TSPEAR: variants seen among roughly 807,000 people sequenced by gnomAD.
TSPEAR encodes thrombospondin type laminin G domain and EAR repeats.
A neutral mutation model predicts 71.6 loss-of-function variants in TSPEAR; 69 were observed. The ratio of observed to expected loss-of-function variants is 0.96; its 90% CI spans 0.79 to 1.18. TSPEAR has a LOEUF of 1.18. Among genes scored for constraint, TSPEAR ranks in the 50% most tolerant of loss-of-function variants. TSPEAR has a pLI of 0.00. For synonymous variants in TSPEAR, 402 were observed against 387.2 expected, an observed-to-expected ratio of 1.04 and a Z score of -0.45; for missense variants, 971 against 894.9, an observed-to-expected ratio of 1.09 and a Z score of -1.09.
intron 1 of TSPEAR, chr21:44,676,964 C>T: frequency 1.1e-6 from 1 of 927,104 alleles, no homozygotes; most frequent in Non-Finnish European, 1.8e-6. Context: ...AGCTTGTCAG[C>T]TGGGTCCGAA....
At chr21:44,592,835 G>A (rs971163347) in intron 1 of TSPEAR, among the ~76,000 whole-genome samples, 2 of 152,124 alleles carry the variant, frequency 1.3e-5, no homozygotes, top group East Asian at 1.9e-4. Flanking sequence ...GCAGGAAGCC[G>A]GCCTCAGGAA....
chr21:44,589,054 T>C (rs390496), intron 1 of TSPEAR, among the ~76,000 whole-genome samples: 140,695 of 152,038 alleles, frequency 0.93, 65,320 homozygotes, highest in Non-Finnish European at 0.96. Context: ...GTGCAGTGTA[T>C]ACTGCTCGAA....
chr21:44,677,409 A>G, intron 1 of TSPEAR: 7 of 1,088,192 alleles, frequency 6.4e-6, no homozygotes, highest in Non-Finnish European at 9.9e-6. Flanking sequence ...CTGAGCTGCA[A>G]TCGCCTGCAG....
chr21:44,554,731 G>A (rs782659512), intron 2 of TSPEAR, among the ~76,000 whole-genome samples: 1 of 152,152 alleles, frequency 6.6e-6, no homozygotes, highest in Non-Finnish European at 1.5e-5. Flanking sequence ...GGATGTACCG[G>A]GTTAAATAAG....
Position 44,593,619 on chromosome 21 carries a change from G to A in TSPEAR, c.83-25614C>T, listed in dbSNP as rs953269896. ...TTACACCCCCTCCCTTTAGGGTTTCGACACAACCACTACCCAGCACTAAAG... is the reference window on the plus strand; with the variant it reads ...TTACACCCCCTCCCTTTAGGGTTTCAACACAACCACTACCCAGCACTAAAG... On this transcript the variant is annotated intron_variant, in intron 1 of 11. Transcript: ENST00000323084. This position sits in a 1 kb window ranked among gnomAD's most constrained non-coding sequence, Gnocchi z 5.9. 4.6e-5 allele frequency among the ~76,000 whole-genome samples: 7 copies of A among 152,038 alleles called. No homozygotes were observed. The highest frequency in any genetic ancestry group is 1.4e-4 in the African/African-American group (6 of 41,390).
rs782022725 is a variant in TSPEAR, at chr21:44,509,332, C to T, written c.1621G>A (p.Ala541Thr). Residue 541 changes from alanine (A) to threonine (T), a missense_variant, in exon 10 of 12, where the codon GCT becomes ACT. Coordinates refer to ENST00000323084, the MANE Select transcript of TSPEAR (RefSeq NM_144991.3). ...TCGTAGCTGTGACTGTTTGCCACAG[C>T]GAGGAAGATCCTCTCCCCGATCTGG... ...VFQIGERIFL[A>T]VANSHSYDVE... 53 of 1,613,828 alleles carry T rather than the reference C, an allele frequency of 3.3e-5. No homozygotes were observed. The highest frequency in any genetic ancestry group is 4.1e-5 in the Non-Finnish European group (48 of 1,179,984).
intron 9 of TSPEAR, among the ~76,000 whole-genome samples, chr21:44,518,089 T>G (rs1422377328): frequency 6.6e-6 from 1 of 152,252 alleles, no homozygotes; most frequent in Non-Finnish European, 1.5e-5. Flanking sequence ...ATGCCAGCAA[T>G]TGCATTTTTA....
At chr21:44,706,120 G>A (rs909690700) in intron 1 of TSPEAR, among the ~76,000 whole-genome samples, 3 of 152,202 alleles carry the variant, frequency 2.0e-5, no homozygotes, top group Non-Finnish European at 4.4e-5. Flanking sequence ...GGCCTAGTGC[G>A]AGCACAGGTC....
chr21:44,527,205 T>C (rs1466428671), intron 7 of TSPEAR, 87 bp downstream of exon 7: 2 of 1,304,470 alleles, frequency 1.5e-6, no homozygotes, highest in East Asian at 4.6e-5. Flanking sequence ...CTCCTTTACC[T>C]GCAGAATCAG....
chr21:44,600,894 G>A (rs587717338), intron 1 of TSPEAR: 2 of 1,612,024 alleles, frequency 1.2e-6, no homozygotes, highest in Non-Finnish European at 1.7e-6. Context: ...CGTGCTGCCA[G>A]CAGTCTAGCT....
At chr21:44,574,684 C>A (rs587622981) in intron 1 of TSPEAR, 3 of 1,606,662 alleles carry the variant, frequency 1.9e-6, no homozygotes, top group Non-Finnish European at 2.6e-6. Flanking sequence ...GCTTGCTGCA[C>A]CTCCTCCCAA....
At chr21:44,569,356 T>TA (rs2146075059) in intron 1 of TSPEAR, among the ~76,000 whole-genome samples, 1 of 152,254 alleles carries the variant, frequency 6.6e-6, no homozygotes, top group African/African-American at 2.4e-5. Flanking sequence ...AACGGGCACT[T>TA]ACAAAAACCG....
intron 1 of TSPEAR, among the ~76,000 whole-genome samples, chr21:44,606,496 T>C (rs1981324324): frequency 6.6e-6 from 1 of 152,326 alleles, no homozygotes; most frequent in African/African-American, 2.4e-5. Context: ...AGAACTTGCC[T>C]ATGATCCACA....
At chr21:44,512,945 C>G (rs1487975510) in intron 9 of TSPEAR, among the ~76,000 whole-genome samples, 4 of 152,194 alleles carry the variant, frequency 2.6e-5, no homozygotes, top group African/African-American at 9.7e-5. Flanking sequence ...TCAAGTCACC[C>G]TTCTGTTCCC....
Position 44,584,055 on chromosome 21 carries a change from G to A in TSPEAR, c.83-16050C>T, listed in dbSNP as rs1055302983. ...TTCTTGCACACCTGTATTAATAATCGCTGAAAGGATATTTAAAGAGTTATA... is the reference window on the plus strand; with the variant it reads ...TTCTTGCACACCTGTATTAATAATCACTGAAAGGATATTTAAAGAGTTATA... On this transcript the variant is annotated intron_variant, in intron 1 of 11. Transcript: ENST00000323084. Among the ~76,000 whole-genome samples, 8 of 152,108 alleles carry A rather than the reference G, an allele frequency of 5.3e-5. No homozygotes were observed. The South Asian group carries it at 8.3e-4, about 16-fold the overall frequency.
In TSPEAR at chr21:44,681,825, A is replaced by G. The variant is rs781941326; in HGVS notation, c.82+29608T>C. On this transcript the variant is annotated intron_variant, in intron 1 of 11. Coordinates refer to ENST00000323084, the MANE Select transcript of TSPEAR (RefSeq NM_144991.3). The stretch of plus-strand genomic sequence containing the variant: ...TGCACTGGGAGCAGCGGGTCTGGAG[A>G]TTCATGCTCAGCAGCAGGAAGGGGT... The G allele has an allele frequency of 1.4e-5, 23 of 1,603,288 alleles. No individual in the cohort carries two copies. In the Admixed American group the frequency reaches 3.0e-4, roughly 21 times the overall value.
At chr21:44,629,015 T>C (rs1194570551) in intron 1 of TSPEAR, among the ~76,000 whole-genome samples, 5 of 152,004 alleles carry the variant, frequency 3.3e-5, no homozygotes, top group African/African-American at 1.2e-4. Context: ...TGGGAATGTG[T>C]CCAGACCAGA....
chr21:44,648,042 C>T (rs940814612), intron 1 of TSPEAR, among the ~76,000 whole-genome samples: 3 of 152,176 alleles, frequency 2.0e-5, no homozygotes, highest in Admixed American at 6.5e-5. Context: ...GTGTGTGGGC[C>T]GTGGAAAAGG....
At chr21:44,686,524 CG>C (rs1555948936) in intron 1 of TSPEAR, 1 of 153,416 alleles carries the variant, frequency 6.5e-6, no homozygotes, top group African/African-American at 2.4e-5. Flanking sequence ...GCTGGCCTGC[CG>C]CATGCTCAGG....
Sources: allele counts gnomAD v4.1 joint callset (sites outside exome capture counted in the v4.1 genomes callset), GRCh38; gene constraint gnomAD v4.1.1; non-coding constraint Gnocchi (gnomAD v3.1); transcripts MANE v1.5; gene names NCBI Gene and HGNC (gene_info 2026-07-23, HGNC 2026-07-21).